The following SHANK2 variants were observed in gnomAD, a reference collection of about 807,000 sequenced individuals.
SHANK2 encodes SH3 and multiple ankyrin repeat domains protein 2.
SHANK2 carries 43 observed loss-of-function variants against 133.7 expected under a neutral mutation model. That is an observed-to-expected ratio of 0.32 (90% CI 0.25 to 0.41). The LOEUF (loss-of-function observed/expected upper bound fraction) is 0.41. SHANK2 is among the 10% of genes least tolerant of loss of function. The pLI is 1.00. For synonymous variants in SHANK2, 1,017 were observed against 952.8 expected (o/e 1.07, Z -1.24); for missense variants, 1,994 against 2,235.8 (o/e 0.89, Z 2.18).
At chr11:71,105,608 A>G (rs1030771456) in intron 6 of SHANK2, among the ~76,000 whole-genome samples, 13 of 151,256 alleles carry the variant, frequency 8.6e-5, no homozygotes, top group African/African-American at 2.7e-4. Context: ...AAAAAAAAAA[A>G]AAAAAAGAAA....
chr11:70,572,915 G>A lies in SHANK2; in HGVS notation c.2062-69984C>T, dbSNP rs528563409. Among the ~76,000 whole-genome samples, 3 of 152,226 alleles carry A rather than the reference G, an allele frequency of 2.0e-5. No homozygotes were observed. In the South Asian group the frequency reaches 6.2e-4, roughly 32 times the overall value. ...CTTCTGAGTATCCAAGAGAAATGAA[G>A]GCACCTAACTACCCCAAGTCTAGTG... is the stretch of plus-strand genomic sequence containing the variant. On this transcript the variant is annotated intron_variant, in intron 17 of 25. Transcript: ENST00000601538.
chr11:70,669,855 G>A (rs1479869508), intron 15 of SHANK2, among the ~76,000 whole-genome samples: 2 of 152,198 alleles, frequency 1.3e-5, no homozygotes, highest in Admixed American at 6.5e-5. Flanking sequence ...TGCTGATGGC[G>A]GCTGGGGAAT....
intron 17 of SHANK2, chr11:70,604,245 C>T (rs2060543441): frequency 6.6e-6 from 1 of 152,312 alleles, no homozygotes; most frequent in South Asian, 2.1e-4. Context: ...GTGAGCAAAA[C>T]TGGGAGACAC....
intron 17 of SHANK2, among the ~76,000 whole-genome samples, chr11:70,562,023 C>T (rs1188858148): frequency 1.3e-5 from 2 of 152,136 alleles, no homozygotes; most frequent in African/African-American, 4.8e-5. Flanking sequence ...CCAATATTTT[C>T]TAATTTCCCA....
intron 7 of SHANK2, 23 bp downstream of exon 7, chr11:71,094,514 A>C: frequency 6.5e-7 from 1 of 1,544,552 alleles, no homozygotes. Flanking sequence ...GGTGGCACCC[A>C]AGTAAGATGG....
intron 14 of SHANK2, among the ~76,000 whole-genome samples, chr11:70,762,778 T>A (rs1359738745): frequency 6.6e-6 from 1 of 152,178 alleles, no homozygotes; most frequent in Non-Finnish European, 1.5e-5. Context: ...GTGAGGGGCA[T>A]TAAGGCCACC....
At chr11:70,738,233 C>T (rs962555819) in intron 14 of SHANK2, among the ~76,000 whole-genome samples, 2 of 152,252 alleles carry the variant, frequency 1.3e-5, no homozygotes, top group African/African-American at 2.4e-5. Flanking sequence ...GGTAGATGCT[C>T]GAGCCTTACA....
At chr11:70,767,897 T>G (rs1555041763) in intron 14 of SHANK2, among the ~76,000 whole-genome samples, 1 of 152,184 alleles carries the variant, frequency 6.6e-6, no homozygotes, top group Non-Finnish European at 1.5e-5. Flanking sequence ...GGCTCAGATA[T>G]GCCAGTGCTC....
At chr11:70,764,387 C>A (rs2135001628) in intron 14 of SHANK2, among the ~76,000 whole-genome samples, 1 of 150,824 alleles carries the variant, frequency 6.6e-6, no homozygotes, top group Non-Finnish European at 1.5e-5. Flanking sequence ...ACCCACACAT[C>A]CATCCATCCA....
chr11:70,592,513 G>A lies in SHANK2; in HGVS notation c.2061+67315C>T, dbSNP rs965856722. Among the ~76,000 whole-genome samples, 4 of 152,050 alleles carry A rather than the reference G, an allele frequency of 2.6e-5. No individual in the cohort carries two copies. The East Asian group carries it at 7.8e-4, about 30-fold the overall frequency. On this transcript the variant is annotated intron_variant, in intron 17 of 25. Transcript: ENST00000601538. ...TCCCAGCACACCCCCTCCAGCCACG[G>A]CCAGGGGAGTCTTTCTGAAGGCCGT...
intron 1 of SHANK2, among the ~76,000 whole-genome samples, chr11:71,248,016 G>A (rs1555125267): frequency 1.3e-5 from 2 of 152,208 alleles, no homozygotes; most frequent in African/African-American, 2.4e-5. Context: ...CTGCGTTTCA[G>A]CCAGTCCCTC....
At chr11:70,797,929 G>A (rs1947953094) in intron 14 of SHANK2, among the ~76,000 whole-genome samples, 1 of 150,974 alleles carries the variant, frequency 6.6e-6, no homozygotes, top group Non-Finnish European at 1.5e-5. Context: ...CAATCTCTCG[G>A]CAATCAATTT....
intron 17 of SHANK2, among the ~76,000 whole-genome samples, chr11:70,549,187 A>G (rs1032328340): frequency 1.7e-4 from 26 of 152,208 alleles, no homozygotes; most frequent in African/African-American, 6.0e-4. Context: ...ACAGGCCCTG[A>G]GACCATGGTC....
chr11:70,508,501 C>T (rs1591519293), intron 17 of SHANK2, among the ~76,000 whole-genome samples: 1 of 152,208 alleles, frequency 6.6e-6, no homozygotes, highest in East Asian at 1.9e-4. Flanking sequence ...GTCCTAATCC[C>T]TAGTATCTCA....
chr11:71,219,709 G>A (rs1555120700), intron 2 of SHANK2, among the ~76,000 whole-genome samples: 2 of 151,416 alleles, frequency 1.3e-5, no homozygotes, highest in African/African-American at 4.9e-5. Flanking sequence ...TGGGCAACAT[G>A]GTAAAATCCC....
At position 70,941,976 on chromosome 11, in the gene SHANK2, G is replaced by A. The variant is rs556191198; in HGVS notation, c.1108-45409C>T. On this transcript the variant is annotated intron_variant, in intron 10 of 25. Coordinates refer to ENST00000601538, the MANE Select transcript of SHANK2 (RefSeq NM_012309.5). ...TGAGGGGCCAAGGTGGATGGATCAC[G>A]AGGTCAGGAGTTTGAGACCTGGCCA... Among the ~76,000 whole-genome samples, 13 of 152,132 alleles carry A rather than the reference G, an allele frequency of 8.5e-5. No homozygotes were observed. The South Asian group carries it at 1.9e-3, about 22-fold the overall frequency.
At chr11:71,126,216 C>CAAA (rs1170621448) in intron 3 of SHANK2, among the ~76,000 whole-genome samples, 1,104 of 64,228 alleles carry the variant, frequency 0.017, 149 homozygotes, top group Middle Eastern at 0.04. Flanking sequence ...GACTCCGTCT[C>CAAA]AAAAAAAAAA....
At chr11:71,124,787 T>C (rs1434518743) in intron 3 of SHANK2, among the ~76,000 whole-genome samples, 5 of 152,198 alleles carry the variant, frequency 3.3e-5, no homozygotes, top group African/African-American at 1.2e-4. Flanking sequence ...CCATTCTATT[T>C]CACTTGCTTT....
chr11:71,154,537 G>A (rs1296330283), intron 2 of SHANK2, among the ~76,000 whole-genome samples: 1 of 152,218 alleles, frequency 6.6e-6, no homozygotes, highest in African/African-American at 2.4e-5. Context: ...CATCAGCTGA[G>A]AAGGAGCTAG....
Sources: gnomAD v4.1 joint callset for allele counts (sites outside exome capture counted in the v4.1 genomes callset) on GRCh38, gnomAD v4.1.1 for gene constraint, MANE v1.5 for transcripts, NCBI Gene and HGNC (gene_info 2026-07-23, HGNC 2026-07-21) for gene names.